The following IDI1 variants were observed in gnomAD, a reference collection of about 807,000 sequenced individuals.
IDI1 encodes the protein isopentenyl-diphosphate Delta-isomerase 1.
Under a neutral mutation model 32.9 loss-of-function variants are expected in IDI1, and 23 were observed. That is an observed-to-expected ratio of 0.70 (90% CI 0.50 to 0.99). IDI1 has a LOEUF of 0.99. IDI1 is among the 50% of genes least tolerant of loss of function. The pLI is 0.00. For synonymous variants in IDI1, 133 were observed against 128.2 expected (o/e 1.04, Z -0.25); for missense variants, 326 against 351.9 (o/e 0.93, Z 0.59).
In IDI1 at chr10:1,044,135, A is replaced by T. The variant is rs201845706; in HGVS notation, c.177T>A (p.Pro59=). The change falls in exon 2 of 5, where the codon CCT becomes CCA. Residue 59 remains proline (P), a synonymous_variant. Coordinates refer to ENST00000381344, the MANE Select transcript of IDI1 (RefSeq NM_004508.4). The stretch of plus-strand genomic sequence containing the variant: ...TGTCGAGGTGGTTAGTGTTTATTTC[A>T]GGCATCATTACAAAATGTCTGATCT... ...LEQIRHFVMM[P]EINTNHLDKQ... 1.5e-5 allele frequency: 24 copies of T among 1,613,708 alleles called. No individual in the cohort carries two copies. The highest frequency in any genetic ancestry group is 1.9e-5 in the Non-Finnish European group (22 of 1,179,694).
At chr10:1,051,081 C>T (rs189895842), upstream of IDI1, among the ~76,000 whole-genome samples, 14 of 152,300 alleles carry the variant, frequency 9.2e-5, no homozygotes, top group Admixed American at 5.9e-4. Flanking sequence ...TTATTTTTGA[C>T]TGTACCTCGA....
the IDI1 span, chr10:1,056,594 C>T: frequency 6.6e-6 from 1 of 152,288 alleles, no homozygotes; most frequent in African/African-American, 2.4e-5. Context: ...GAGGCCACCT[C>T]CCGCGAACCG....
At chr10:1,048,611 C>T (rs1832876538) in intron 1 of IDI1, 1 of 1,397,550 alleles carries the variant, frequency 7.2e-7, no homozygotes, top group Non-Finnish European at 9.3e-7. Context: ...TTTCCGCTGA[C>T]AAAGAATGGC....
chr10:1,049,351 G>T (rs1832918930), upstream of IDI1, among the ~76,000 whole-genome samples: 1 of 152,106 alleles, frequency 6.6e-6, no homozygotes. Flanking sequence ...GCGCCCGGGC[G>T]CCAAGCCCTG....
chr10:1,046,530 T>A (rs2131581325), intron 1 of IDI1, among the ~76,000 whole-genome samples: 2 of 130,380 alleles, frequency 1.5e-5, no homozygotes, highest in Non-Finnish European at 3.2e-5. Context: ...TGCTCCACTG[T>A]CTACACCACA....
chr10:1,049,049 C>A lies in IDI1; in HGVS notation c.-46G>T, dbSNP rs1186128492. ...GTACGCGCTTGACGACACAATCTCG[C>A]CAAGCTTCGCCTGGTGGTGCCACCT... On this transcript the variant is annotated 5_prime_UTR_variant, in exon 1 of 5. Transcript: ENST00000381344. The A allele has an allele frequency of 3.5e-6, 5 of 1,448,806 alleles. No homozygotes were observed. The highest frequency in any genetic ancestry group is 4.5e-6 in the Non-Finnish European group (5 of 1,109,288). The allele number at this position is 1,448,806 out of a possible 1,614,324, so 89.7% of individuals were successfully genotyped here.
At chr10:1,053,308 G>C (rs574542409), upstream of IDI1, among the ~76,000 whole-genome samples, 1 of 152,198 alleles carries the variant, frequency 6.6e-6, no homozygotes, top group Non-Finnish European at 1.5e-5. Context: ...GGCCTATCTT[G>C]CACTTTTGTA....
rs112832376 is a variant in IDI1, at chr10:1,041,514, TA to T, written c.538-11del. On this transcript the variant is annotated splice_polypyrimidine_tract_variant and intron_variant, in intron 4 of 4. Coordinates refer to ENST00000381344, the MANE Select transcript of IDI1 (RefSeq NM_004508.4). Reference sequence around the variant, plus strand: ...TTTCTTCTGGAGGAACCTAAGACATTAAAAAAAAAAAAGTAATTAAAACATC... The same window carrying T: ...TTTCTTCTGGAGGAACCTAAGACATTAAAAAAAAAAAGTAATTAAAACATC... 215,964 of 1,064,974 alleles carry T rather than the reference TA, an allele frequency of 0.2. 1,743 individuals are homozygous for T. Among genetic ancestry groups the T allele is most frequent in the East Asian group, 0.24 (6,664 of 28,328 alleles). The allele number at this position is 1,064,974 out of a possible 1,614,324, so 66.0% of individuals were successfully genotyped here.
Position 1,041,330 on chromosome 10 carries a change from CTT to C in IDI1, c.710_711del (p.Lys237ArgfsTer10). 1 of 1,613,776 alleles carries C rather than the reference CTT, an allele frequency of 6.2e-7. No individual in the cohort carries two copies. Among genetic ancestry groups the C allele is most frequent in the Non-Finnish European group, 8.5e-7 (1 of 1,179,782 alleles). Reference sequence around the variant, plus strand: ...CCACTGGCTGCTTTTTTCAGAAGTTCTTTTAGTTCTTCCTTTGACACATAACA... The same window carrying C: ...CCACTGGCTGCTTTTTTCAGAAGTTCTTAGTTCTTCCTTTGACACATAACA... Reference protein sequence around the residue: ...SYCYVSKEELKELLKKAASGE... With the variant: ...SYCYVSKEELXELLKKAASGE... On this transcript the variant is annotated frameshift_variant, in exon 5 of 5. Transcript: ENST00000381344. LOFTEE classifies it high-confidence loss of function.
chr10:1,042,485 C>G, intron 4 of IDI1, 147 bp downstream of exon 4: 1 of 747,780 alleles, frequency 1.3e-6, no homozygotes, highest in Middle Eastern at 3.6e-4. Context: ...TTTAAATAAT[C>G]TTTATTCAAG....
At chr10:1,049,209 C>A, upstream of IDI1, 1 of 810,148 alleles carries the variant, frequency 1.2e-6, no homozygotes, top group Non-Finnish European at 1.8e-6. Flanking sequence ...CTGGGCGGTG[C>A]CCGAGACCAC....
chr10:1,046,530 TCTACACCACACCGCCCAGCTGCTCCA>T (rs1441030810), intron 1 of IDI1, among the ~76,000 whole-genome samples: 11 of 130,376 alleles, frequency 8.4e-5, no homozygotes, highest in Non-Finnish European at 9.7e-5. Context: ...TGCTCCACTG[TCTACACCACACCGCCCAGCTGCTCCA>T]CTGTCTACAC....
upstream of IDI1, chr10:1,049,130 G>A (rs537880796): frequency 0.01 from 13,787 of 1,378,048 alleles, 96 homozygotes; most frequent in South Asian, 0.014. Flanking sequence ...AGCCGTGACC[G>A]CGGGCTCTGG....
intron 1 of IDI1, among the ~76,000 whole-genome samples, chr10:1,046,308 G>A (rs2131580909): frequency 6.6e-6 from 1 of 152,292 alleles, no homozygotes; most frequent in East Asian, 1.9e-4. Flanking sequence ...TAATGATGTT[G>A]TAGCCATTGT....
chr10:1,048,529 T>TA (rs1389636640), intron 1 of IDI1: 8 of 1,281,072 alleles, frequency 6.2e-6, no homozygotes, highest in East Asian at 4.1e-5. Context: ...TCGCAACTCT[T>TA]AGTCTCCTGC....
chr10:1,040,949 A>G lies in IDI1; in HGVS notation c.*238T>C. The G allele has an allele frequency of 5.2e-6, 2 of 384,728 alleles. No individual in the cohort carries two copies. Among genetic ancestry groups the G allele is most frequent in the Non-Finnish European group, 9.3e-6 (2 of 215,620 alleles). 23.8% of individuals were successfully genotyped at this position (384,728 alleles called of 1,614,324 possible). On this transcript the variant is annotated 3_prime_UTR_variant, in exon 5 of 5. Transcript: ENST00000381344. Reference sequence around the variant, plus strand: ...ATTTGCTCGCTCTCATTTTACAATAATCTCTCACAAATGTCGCTTAGAAAC... The same window carrying G: ...ATTTGCTCGCTCTCATTTTACAATAGTCTCTCACAAATGTCGCTTAGAAAC...
At chr10:1,041,809 C>CTTTTTTTTTT (rs71297913) in intron 4 of IDI1, among the ~76,000 whole-genome samples, 2 of 134,720 alleles carry the variant, frequency 1.5e-5, no homozygotes, top group Non-Finnish European at 1.6e-5. Flanking sequence ...TCTTTTTCTT[C>CTTTTTTTTTT]TTTTTTTTTT....
intron 1 of IDI1, chr10:1,048,238 C>G: frequency 7.7e-7 from 1 of 1,301,848 alleles, no homozygotes; most frequent in Non-Finnish European, 1.0e-6. Flanking sequence ...AAAATGAATA[C>G]GTCTATTTAT....
upstream of IDI1, among the ~76,000 whole-genome samples, chr10:1,050,923 G>T (rs978395641): frequency 6.6e-5 from 10 of 152,344 alleles, no homozygotes; most frequent in African/African-American, 2.4e-4. Flanking sequence ...TGAAAATTGA[G>T]AAGTATTTTT....
Sources: allele counts gnomAD v4.1 joint callset (sites outside exome capture counted in the v4.1 genomes callset), GRCh38; gene constraint gnomAD v4.1.1; transcripts MANE v1.5; gene names NCBI Gene and HGNC (gene_info 2026-07-23, HGNC 2026-07-21).